The following ELMOD1 variants were observed in gnomAD, a reference collection of about 807,000 sequenced individuals.
ELMOD1 encodes the protein ELMO domain containing 1, also known as ELMO domain-containing protein 1.
ELMOD1 carries 21 observed loss-of-function variants against 46.7 expected under a neutral mutation model. The ratio of observed to expected loss-of-function variants is 0.45; its 90% confidence interval spans 0.32 to 0.65. ELMOD1 has a LOEUF of 0.65. Ranked by LOEUF, ELMOD1 falls within the 30% of genes least tolerant of loss-of-function variation. The probability of loss-of-function intolerance (pLI) is 0.04; values close to 1 mark genes in which losing one functional copy is unlikely to be tolerated. For missense variants in ELMOD1, 348 were observed against 407.8 expected (o/e 0.85, Z 1.26); for synonymous variants, 122 against 138.2 (o/e 0.88, Z 0.82).
chr11:107,642,654 C>T (rs1323568488), intron 6 of ELMOD1, among the ~76,000 whole-genome samples: 12 of 152,144 alleles, frequency 7.9e-5, no homozygotes, highest in Non-Finnish European at 1.5e-4. Flanking sequence ...TGTGAGCCAC[C>T]GCGCCCAGCA....
intron 2 of ELMOD1, among the ~76,000 whole-genome samples, chr11:107,629,025 A>T (rs1866092051): frequency 1.3e-5 from 2 of 152,224 alleles, no homozygotes; most frequent in Admixed American, 6.5e-5. Flanking sequence ...ATTCTAGGAC[A>T]TAATCTTGTT....
At position 107,617,262 on chromosome 11, in the gene ELMOD1, G is replaced by T. The variant is rs192732893; in HGVS notation, c.-85-843G>T. ...AGTATGAGTTCCCACACTCTGGGCT[G>T]TTCTAGTTGGCAATGTGTCTCTGCC... On this transcript the variant is annotated intron_variant, in intron 1 of 11. Coordinates refer to ENST00000265840, the MANE Select transcript of ELMOD1 (RefSeq NM_018712.4). 7.2e-5 allele frequency among the ~76,000 whole-genome samples: 11 copies of T among 152,326 alleles called. No individual in the cohort carries two copies. In the East Asian group the frequency reaches 1.7e-3, roughly 24 times the overall value.
At chr11:107,611,476 G>A (rs1355585580) in intron 1 of ELMOD1, among the ~76,000 whole-genome samples, 3 of 152,016 alleles carry the variant, frequency 2.0e-5, no homozygotes, top group South Asian at 2.1e-4. Flanking sequence ...CGAGGTGGGC[G>A]GATCACAAGG....
chr11:107,618,004 T>A, intron 1 of ELMOD1, 101 bp from the exon 2 acceptor site: 1 of 640,336 alleles, frequency 1.6e-6, no homozygotes. Context: ...ATGTTCTGGG[T>A]GGCTGGCATG....
chr11:107,629,960 C>T (rs762314227), intron 2 of ELMOD1, among the ~76,000 whole-genome samples: 1 of 151,724 alleles, frequency 6.6e-6, no homozygotes, highest in East Asian at 1.9e-4. Flanking sequence ...TGGGATTGGT[C>T]GAGGGTGAGG....
At chr11:107,659,602 A>T (rs1219634734) in intron 11 of ELMOD1, among the ~76,000 whole-genome samples, 6 of 132,924 alleles carry the variant, frequency 4.5e-5, no homozygotes, top group Non-Finnish European at 7.8e-5. Flanking sequence ...CTCAGCACAA[A>T]GCCTGGTACA....
At chr11:107,650,236 C>A in intron 7 of ELMOD1, 99 bp from the exon 8 acceptor site, 1 of 796,116 alleles carries the variant, frequency 1.3e-6, no homozygotes. Flanking sequence ...ATGCCAGTAT[C>A]CATCTCTGGA....
chr11:107,607,469 A>G (rs1159868784), intron 1 of ELMOD1, among the ~76,000 whole-genome samples: 2 of 152,142 alleles, frequency 1.3e-5, no homozygotes, highest in Non-Finnish European at 2.9e-5. Flanking sequence ...CAGCCTGGGC[A>G]ACATTGTGAG....
chr11:107,612,256 C>T (rs537275102), intron 1 of ELMOD1, among the ~76,000 whole-genome samples: 1 of 152,006 alleles, frequency 6.6e-6, no homozygotes, highest in Non-Finnish European at 1.5e-5. Flanking sequence ...AAAATTAACA[C>T]GGAAAACAAA....
rs1464062472 is a variant in ELMOD1, at chr11:107,666,181, T to C, written c.*984T>C. The C allele has an allele frequency of 6.6e-6, 1 of 152,158 alleles. No individual in the cohort carries two copies. The highest frequency in any genetic ancestry group is 1.5e-5 in the Non-Finnish European group (1 of 68,020). 9.4% of individuals were successfully genotyped at this position (152,158 alleles called of 1,614,324 possible). A position where few individuals can be genotyped will look rare whatever the true frequency, so the allele number is the denominator to read the frequency against. On this transcript the variant is annotated 3_prime_UTR_variant, in exon 12 of 12. Coordinates refer to ENST00000265840, the MANE Select transcript of ELMOD1 (RefSeq NM_018712.4). Reference sequence around the variant, plus strand: ...CCCAGTTGCAATTGTGTCATAGTCATCTGTATATCAAACTATTTTATTCCC... The same window carrying C: ...CCCAGTTGCAATTGTGTCATAGTCACCTGTATATCAAACTATTTTATTCCC...
At chr11:107,656,538 G>A (rs1866637197) in intron 11 of ELMOD1, among the ~76,000 whole-genome samples, 1 of 151,366 alleles carries the variant, frequency 6.6e-6, no homozygotes, top group African/African-American at 2.4e-5. Context: ...CTCCAGACAA[G>A]GGTCAAAGCT....
intron 1 of ELMOD1, among the ~76,000 whole-genome samples, chr11:107,615,039 A>T (rs1329379329): frequency 3.3e-5 from 5 of 151,936 alleles, no homozygotes; most frequent in African/African-American, 1.2e-4. Flanking sequence ...CTCCCCAAAG[A>T]CTGTTGCATC....
At chr11:107,606,404 G>A (rs1165451486) in intron 1 of ELMOD1, among the ~76,000 whole-genome samples, 6 of 152,236 alleles carry the variant, frequency 3.9e-5, no homozygotes, top group African/African-American at 1.4e-4. Flanking sequence ...TTCCCTCAGA[G>A]ACGTGCTTCT....
chr11:107,639,207 C>A (rs1591125783), intron 6 of ELMOD1, among the ~76,000 whole-genome samples: 2 of 151,992 alleles, frequency 1.3e-5, no homozygotes, highest in South Asian at 4.2e-4. Context: ...GTTTGCTGAT[C>A]CCTAGTTTCT....
At chr11:107,611,732 G>T (rs1392414013) in intron 1 of ELMOD1, among the ~76,000 whole-genome samples, 2 of 148,022 alleles carry the variant, frequency 1.4e-5, no homozygotes, top group Non-Finnish European at 3.0e-5. Flanking sequence ...AAAAAAAGTG[G>T]GCAAAAGACA....
intron 11 of ELMOD1, among the ~76,000 whole-genome samples, chr11:107,661,506 C>T (rs751614680): frequency 5.3e-5 from 8 of 152,026 alleles, no homozygotes; most frequent in Non-Finnish European, 1.0e-4. Context: ...GATGCATTAT[C>T]GATTATTTTA....
intron 2 of ELMOD1, among the ~76,000 whole-genome samples, chr11:107,619,440 C>T (rs1462441593): frequency 6.6e-6 from 1 of 152,176 alleles, no homozygotes; most frequent in Non-Finnish European, 1.5e-5. Context: ...CATTTGTGCA[C>T]ACCTCCTGAA....
chr11:107,593,776 C>G (rs948054862), intron 1 of ELMOD1, among the ~76,000 whole-genome samples: 2 of 152,120 alleles, frequency 1.3e-5, no homozygotes, highest in African/African-American at 4.8e-5. Flanking sequence ...GTTGTTTATC[C>G]TAAATTCAGT....
At chr11:107,635,859 G>A (rs1242211599) in intron 6 of ELMOD1, 94 bp downstream of exon 6, 4 of 1,296,438 alleles carry the variant, frequency 3.1e-6, no homozygotes, top group Non-Finnish European at 4.1e-6. Context: ...GACATCAGGG[G>A]TACAAAGATG....
Sources: allele counts gnomAD v4.1 joint callset (sites outside exome capture counted in the v4.1 genomes callset), GRCh38; gene constraint gnomAD v4.1.1; transcripts MANE v1.5; gene names NCBI Gene and HGNC (gene_info 2026-07-23, HGNC 2026-07-21).